The following NTM variants were observed in gnomAD, a reference collection of about 807,000 sequenced individuals.
The protein encoded by NTM is neurotrimin.
In NTM, 13 loss-of-function variants were observed where a neutral mutation model predicts 42.1. The ratio of observed to expected loss-of-function variants is 0.31; its 90% CI spans 0.20 to 0.49. NTM has a LOEUF of 0.49. Ranked by LOEUF, NTM falls within the 20% of genes least tolerant of loss-of-function variation. The pLI is 0.99. For missense variants in NTM, 373 were observed against 452.8 expected, an observed-to-expected ratio of 0.82 and a Z score of 1.60; for synonymous variants, 187 against 179.2, an observed-to-expected ratio of 1.04 and a Z score of -0.35.
intron 2 of NTM, among the ~76,000 whole-genome samples, chr11:132,128,456 C>T (rs2066230878): frequency 6.6e-6 from 1 of 152,132 alleles, no homozygotes; most frequent in Non-Finnish European, 1.5e-5. Context: ...TGTTGCCTCT[C>T]CAGGGACCAT....
At chr11:131,951,713 T>G (rs1177693896) in intron 2 of NTM, among the ~76,000 whole-genome samples, 1 of 150,596 alleles carries the variant, frequency 6.6e-6, no homozygotes, top group East Asian at 2.0e-4. Flanking sequence ...TCCCAGCTAC[T>G]CAGGAGGCTG....
chr11:131,887,706 T>C (rs2137420256), intron 1 of NTM, among the ~76,000 whole-genome samples: 1 of 152,346 alleles, frequency 6.6e-6, no homozygotes, highest in South Asian at 2.1e-4. Context: ...CTGTAGGTAA[T>C]GTGTATACAC....
intron 1 of NTM, among the ~76,000 whole-genome samples, chr11:131,799,275 C>G (rs965011892): frequency 6.6e-6 from 1 of 152,120 alleles, no homozygotes; most frequent in South Asian, 2.1e-4. Flanking sequence ...CTATCGCATA[C>G]TAATGCACAG....
rs79927470 is a variant in NTM, at chr11:131,856,062, G to A, written c.83-55502G>A. On this transcript the variant is annotated intron_variant, in intron 1 of 8. Coordinates refer to ENST00000683400, the MANE Select transcript of NTM (RefSeq NM_001352005.2). ...CCTGGACTGATTAGACAGTCGCTGC[G>A]TATTTATTGATCCCTTCTAGGGCAC... is the stretch of plus-strand genomic sequence containing the variant. Among the ~76,000 whole-genome samples the A allele has an allele frequency of 2.8e-3, 434 of 152,290 alleles. 2 individuals carry two copies. The highest frequency in any genetic ancestry group is 8.9e-3 in the African/African-American group (370 of 41,566).
At chr11:131,491,838 C>G (rs1402130098) in intron 1 of NTM, among the ~76,000 whole-genome samples, 1 of 152,176 alleles carries the variant, frequency 6.6e-6, no homozygotes, top group Admixed American at 6.5e-5. Context: ...ACAGGACACG[C>G]TCAGATCTGG....
chr11:132,031,786 T>C (rs972753382), intron 2 of NTM, among the ~76,000 whole-genome samples: 8 of 152,146 alleles, frequency 5.3e-5, no homozygotes, highest in African/African-American at 1.9e-4. Flanking sequence ...GACTTAGACA[T>C]GTCTTGGATG....
intron 1 of NTM, among the ~76,000 whole-genome samples, chr11:131,731,705 C>A (rs902183385): frequency 1.3e-5 from 2 of 152,176 alleles, no homozygotes; most frequent in African/African-American, 4.8e-5. Context: ...AAAGCTTCCT[C>A]ACAGAAGTTC....
chr11:132,333,247 G>A (rs945695386), intron 8 of NTM, among the ~76,000 whole-genome samples: 4 of 152,132 alleles, frequency 2.6e-5, no homozygotes, highest in African/African-American at 4.8e-5. Flanking sequence ...CACCCTTGTC[G>A]TCTCAGAGTC....
intron 1 of NTM, among the ~76,000 whole-genome samples, chr11:131,549,062 A>G (rs1298245417): frequency 6.6e-6 from 1 of 152,162 alleles, no homozygotes; most frequent in Non-Finnish European, 1.5e-5. Flanking sequence ...TACAGACAGA[A>G]AAGCTCCTCA....
At position 132,058,529 on chromosome 11, in the gene NTM, G is replaced by A. The variant is rs552636964; in HGVS notation, c.168-87753G>A. Among the ~76,000 whole-genome samples, 8 of 152,270 alleles carry A rather than the reference G, an allele frequency of 5.3e-5. No individual in the cohort carries two copies. In the East Asian group the frequency reaches 7.7e-4, roughly 15 times the overall value. Reference sequence around the variant, plus strand: ...ATGCTGTGTTGCTTCCAACCATCTCGAGACTTTCATCCCCCTCTTGACATG... The same window carrying A: ...ATGCTGTGTTGCTTCCAACCATCTCAAGACTTTCATCCCCCTCTTGACATG... On this transcript the variant is annotated intron_variant, in intron 2 of 8. Transcript: ENST00000683400.
At chr11:131,748,627 A>G (rs191421406) in intron 1 of NTM, among the ~76,000 whole-genome samples, 8 of 152,278 alleles carry the variant, frequency 5.3e-5, no homozygotes, top group Admixed American at 3.9e-4. Flanking sequence ...TTCGTTTCCT[A>G]TAAGAAGAGA....
chr11:132,023,880 G>A (rs945954388), intron 2 of NTM, among the ~76,000 whole-genome samples: 9 of 151,690 alleles, frequency 5.9e-5, no homozygotes, highest in South Asian at 2.1e-4. Context: ...GTGCAGTGGC[G>A]CGATCTCGGC....
chr11:131,850,123 CACTT>C (rs2045365606), intron 1 of NTM, among the ~76,000 whole-genome samples: 1 of 151,804 alleles, frequency 6.6e-6, no homozygotes, highest in South Asian at 2.1e-4. Context: ...TAGATGTAAA[CACTT>C]AATTAGTGTA....
At position 131,445,134 on chromosome 11, in the gene NTM, T is replaced by C. The variant is rs1469604876; in HGVS notation, c.82+74246T>C. On this transcript the variant is annotated intron_variant, in intron 1 of 8. Coordinates refer to ENST00000683400, the MANE Select transcript of NTM (RefSeq NM_001352005.2). ...ATAGCCATTTTTAATATAAAACATT[T>C]TGAATTAGTGATAATATTTAACTTT... Among the ~76,000 whole-genome samples the C allele has an allele frequency of 8.5e-5, 13 of 152,360 alleles. No homozygotes were observed. The East Asian group carries it at 2.5e-3, about 29-fold the overall frequency.
chr11:131,568,999 A>G (rs1318126839), intron 1 of NTM, among the ~76,000 whole-genome samples: 4 of 152,174 alleles, frequency 2.6e-5, no homozygotes, highest in African/African-American at 9.7e-5. Context: ...TTTTGCATCC[A>G]TTACTGCAAT....
chr11:132,082,855 G>T (rs1180186598), intron 2 of NTM, among the ~76,000 whole-genome samples: 1 of 152,258 alleles, frequency 6.6e-6, no homozygotes. Context: ...GACAAACCGG[G>T]TTATTAGAAG....
intron 7 of NTM, among the ~76,000 whole-genome samples, chr11:132,318,174 A>C (rs941839879): frequency 6.6e-6 from 1 of 152,184 alleles, no homozygotes; most frequent in Admixed American, 6.5e-5. Flanking sequence ...GTGGTTGCCA[A>C]TACACAGTGA....
At chr11:131,921,417 G>A (rs1424283584) in intron 2 of NTM, among the ~76,000 whole-genome samples, 1 of 152,090 alleles carries the variant, frequency 6.6e-6, no homozygotes, top group Non-Finnish European at 1.5e-5. Flanking sequence ...ATTAGGAAGA[G>A]GCAATGAGGG....
chr11:131,561,690 C>A (rs1391312149), intron 1 of NTM, among the ~76,000 whole-genome samples: 1 of 131,502 alleles, frequency 7.6e-6, no homozygotes, highest in Non-Finnish European at 1.6e-5. Context: ...TGTTAGTATC[C>A]CAGATACTCT....
Sources: gnomAD v4.1 joint callset for allele counts (sites outside exome capture counted in the v4.1 genomes callset) on GRCh38, gnomAD v4.1.1 for gene constraint, MANE v1.5 for transcripts, NCBI Gene and HGNC (gene_info 2026-07-23, HGNC 2026-07-21) for gene names.